CPNE4: variants seen among roughly 807,000 people sequenced by gnomAD.
The protein encoded by CPNE4 is copine-4.
Under a neutral mutation model 67.9 loss-of-function variants are expected in CPNE4, and 25 were observed. That is an observed-to-expected ratio of 0.37 (90% CI 0.27 to 0.51). The LOEUF is 0.51. Among genes scored for constraint, CPNE4 ranks in the 20% least tolerant of loss-of-function variants. CPNE4 has a pLI of 0.93. For missense variants in CPNE4, 464 were observed against 690.8 expected (o/e 0.67, Z 3.68); for synonymous variants, 242 against 244.9 (o/e 0.99, Z 0.11).
At chr3:131,552,748 T>TA (rs996828594) in intron 12 of CPNE4, among the ~76,000 whole-genome samples, 1 of 152,014 alleles carries the variant, frequency 6.6e-6, no homozygotes, top group Non-Finnish European at 1.5e-5. Flanking sequence ...ATAAGGCTTA[T>TA]AAAAAAATCC....
At chr3:131,940,915 G>A (rs1406097409) in intron 1 of CPNE4, among the ~76,000 whole-genome samples, 1 of 152,046 alleles carries the variant, frequency 6.6e-6, no homozygotes, top group Non-Finnish European at 1.5e-5. Context: ...AGTGCATGAA[G>A]CTATTTTGTC....
chr3:131,563,604 A>C (rs148324997), intron 11 of CPNE4, among the ~76,000 whole-genome samples: 7 of 152,140 alleles, frequency 4.6e-5, no homozygotes, highest in African/African-American at 1.7e-4. Context: ...GGCTACATAC[A>C]TGTGCCACAC....
intron 7 of CPNE4, among the ~76,000 whole-genome samples, chr3:131,621,395 C>G (rs1398325876): frequency 6.6e-6 from 1 of 152,040 alleles, no homozygotes; most frequent in Admixed American, 6.6e-5. Flanking sequence ...CAGATGTGCA[C>G]CACCACACCT....
chr3:131,845,766 C>T (rs957774269), intron 2 of CPNE4, among the ~76,000 whole-genome samples: 1 of 152,002 alleles, frequency 6.6e-6, no homozygotes, highest in African/African-American at 2.4e-5. Context: ...TTATTGGTAC[C>T]TAATCTTTCT....
At chr3:131,924,876 T>C (rs954437731) in intron 1 of CPNE4, among the ~76,000 whole-genome samples, 3 of 152,146 alleles carry the variant, frequency 2.0e-5, no homozygotes, top group Non-Finnish European at 4.4e-5. Context: ...AAATGCAACA[T>C]GCTCTCTGTT....
chr3:131,908,955 T>C (rs538416751), intron 1 of CPNE4, among the ~76,000 whole-genome samples: 4 of 152,280 alleles, frequency 2.6e-5, no homozygotes, highest in Admixed American at 1.3e-4. Context: ...CTGATAGTGG[T>C]AGCTATTGTT....
At chr3:131,846,109 C>T (rs1247527840) in intron 2 of CPNE4, among the ~76,000 whole-genome samples, 1 of 152,176 alleles carries the variant, frequency 6.6e-6, no homozygotes, top group Non-Finnish European at 1.5e-5. Flanking sequence ...GGGCAAGGCA[C>T]TTAACATTTC....
intron 1 of CPNE4, among the ~76,000 whole-genome samples, chr3:131,913,165 T>C (rs985346782): frequency 6.6e-6 from 1 of 151,964 alleles, no homozygotes; most frequent in South Asian, 2.1e-4. Context: ...GACCATCAGG[T>C]GATGGTCAGG....
rs530565837 is a variant in CPNE4, at chr3:131,546,380, T to C, written c.1302+3567A>G. ...GAATATACTTGAGGTCCTGTTTAGA[T>C]AAAGAGGGGCATTTTTTACCTGGAA... On this transcript the variant is annotated intron_variant, in intron 14 of 15. Transcript: ENST00000429747. 5.3e-5 allele frequency among the ~76,000 whole-genome samples: 8 copies of C among 152,242 alleles called. No individual in the cohort carries two copies. The South Asian group carries it at 1.5e-3, about 28-fold the overall frequency.
chr3:131,987,978 C>T (rs920094021), intron 1 of CPNE4, among the ~76,000 whole-genome samples: 3 of 152,098 alleles, frequency 2.0e-5, no homozygotes, highest in Admixed American at 6.5e-5. Context: ...CTTTAGGAAG[C>T]CACAGTCTAC....
intron 10 of CPNE4, among the ~76,000 whole-genome samples, chr3:131,566,644 T>C (rs1010011139): frequency 6.6e-6 from 1 of 151,870 alleles, no homozygotes; most frequent in Non-Finnish European, 1.5e-5. Context: ...CCAGAGATGT[T>C]TGAGAGACAA....
intron 5 of CPNE4, among the ~76,000 whole-genome samples, chr3:131,693,918 T>C (rs2081089846): frequency 6.6e-6 from 1 of 152,204 alleles, no homozygotes; most frequent in South Asian, 2.1e-4. Context: ...GATTTTTTTG[T>C]GAGTGTGTGC....
intron 11 of CPNE4, 88 bp downstream of exon 11, chr3:131,564,128 A>C: frequency 6.6e-7 from 1 of 1,520,688 alleles, no homozygotes; most frequent in Non-Finnish European, 9.1e-7. Context: ...TACTAGACTT[A>C]ATTTCCACTT....
chr3:131,984,603 C>T (rs2072997097), intron 1 of CPNE4, among the ~76,000 whole-genome samples: 1 of 152,192 alleles, frequency 6.6e-6, no homozygotes, highest in Non-Finnish European at 1.5e-5. Context: ...CTGCCTATGT[C>T]CCTTTTTCCC....
chr3:131,758,901 G>T (rs919686776), intron 2 of CPNE4, among the ~76,000 whole-genome samples: 5 of 152,028 alleles, frequency 3.3e-5, no homozygotes, highest in Admixed American at 2.0e-4. Flanking sequence ...AGTGCCTTTT[G>T]CCTCCCACCA....
intron 7 of CPNE4, among the ~76,000 whole-genome samples, chr3:131,632,213 T>C (rs1373752423): frequency 6.6e-6 from 1 of 152,004 alleles, no homozygotes; most frequent in African/African-American, 2.4e-5. Context: ...TTTCACCATG[T>C]TGGCCAGGCT....
chr3:131,986,830 C>CAAA (rs369896508), intron 1 of CPNE4, among the ~76,000 whole-genome samples: 1 of 87,398 alleles, frequency 1.1e-5, no homozygotes, highest in East Asian at 3.9e-4. Context: ...GACTCGGTCT[C>CAAA]AAAAAAAAAA....
intron 15 of CPNE4, among the ~76,000 whole-genome samples, chr3:131,540,081 G>A (rs576510079): frequency 1.3e-5 from 2 of 152,118 alleles, no homozygotes; most frequent in African/African-American, 4.8e-5. Flanking sequence ...CTCTTCCTAG[G>A]GAAACTTGAG....
At chr3:131,724,697 C>G (rs1337874010) in intron 2 of CPNE4, among the ~76,000 whole-genome samples, 3 of 152,128 alleles carry the variant, frequency 2.0e-5, no homozygotes, top group East Asian at 1.9e-4. Flanking sequence ...TCTCTTGTCC[C>G]TTCACATTGA....
Sources: gnomAD v4.1 joint callset for allele counts (sites outside exome capture counted in the v4.1 genomes callset) on GRCh38, gnomAD v4.1.1 for gene constraint, MANE v1.5 for transcripts, NCBI Gene and HGNC (gene_info 2026-07-23, HGNC 2026-07-21) for gene names.